The following TTC23L variants were observed in gnomAD, a reference collection of about 807,000 sequenced individuals.
TTC23L encodes tetratricopeptide repeat protein 23-like.
A neutral mutation model predicts 48.1 loss-of-function variants in TTC23L; 42 were observed. That is an observed-to-expected ratio of 0.87 (90% CI 0.68 to 1.13). TTC23L has a LOEUF of 1.13. Ranked by LOEUF, TTC23L falls within the 50% of genes most tolerant of loss-of-function variation. TTC23L has a pLI of 0.00. For synonymous variants in TTC23L, 159 were observed against 157.2 expected (o/e 1.01, Z -0.09); for missense variants, 391 against 421.0 (o/e 0.93, Z 0.62).
At chr5:34,853,398 G>A (rs1759847032) in intron 4 of TTC23L, among the ~76,000 whole-genome samples, 1 of 152,126 alleles carries the variant, frequency 6.6e-6, no homozygotes, top group Admixed American at 6.5e-5. Flanking sequence ...AAGTGTAGTG[G>A]TGTGTGCCTG....
chr5:34,915,595 C>T, the TTC23L span: 2 of 1,082,760 alleles, frequency 1.8e-6, no homozygotes, highest in African/African-American at 1.6e-5. Context: ...GCGCGTGCCG[C>T]GCCACCGAGA....
At chr5:34,915,548 C>T in the TTC23L span, 2 of 637,538 alleles carry the variant, frequency 3.1e-6, no homozygotes, top group East Asian at 6.4e-5. Flanking sequence ...CCACCTCGGC[C>T]ACCGTCACCA....
At chr5:34,895,024 T>C (rs1763120349) in intron 9 of TTC23L, among the ~76,000 whole-genome samples, 1 of 152,204 alleles carries the variant, frequency 6.6e-6, no homozygotes, top group Non-Finnish European at 1.5e-5. Flanking sequence ...ATCACTGATA[T>C]TAGCATGAGC....
the TTC23L span, chr5:34,908,661 C>G: frequency 9.2e-7 from 1 of 1,086,476 alleles, no homozygotes; most frequent in Non-Finnish European, 1.3e-6. Context: ...CATTGTGCTT[C>G]TTCTCTATAG....
rs532406781 is a variant in TTC23L, at chr5:34,897,919, C to A, written c.*97+1044C>A. Among the ~76,000 whole-genome samples, 18 of 152,322 alleles carry A rather than the reference C, an allele frequency of 1.2e-4. No individual in the cohort carries two copies. In the South Asian group the frequency reaches 3.5e-3, roughly 30 times the overall value. On this transcript the variant is annotated intron_variant, in intron 10 of 10. Transcript: ENST00000505624. ...TGATCATAGAAATATGACTTCAGTG[C>A]ATCCCTATGAATTAATCTTTTTGAT... is the stretch of plus-strand genomic sequence containing the variant.
chr5:34,839,622 T>A (rs1758428631), intron 1 of TTC23L: 1 of 985,162 alleles, frequency 1.0e-6, no homozygotes, highest in Non-Finnish European at 1.2e-6. Flanking sequence ...TCTCCCTTTC[T>A]GATTTTCGGA....
chr5:34,902,085 A>G (rs192195012), downstream of TTC23L, among the ~76,000 whole-genome samples: 1,008 of 152,240 alleles, frequency 6.6e-3, 8 homozygotes, highest in African/African-American at 0.021. Flanking sequence ...AAATAACTTT[A>G]ATTTTTCTCT....
downstream of TTC23L, among the ~76,000 whole-genome samples, chr5:34,902,671 G>A (rs1763536597): frequency 6.6e-6 from 1 of 152,136 alleles, no homozygotes; most frequent in South Asian, 2.1e-4. Context: ...TCCACTGACT[G>A]GTAGGCCTTC....
downstream of TTC23L, among the ~76,000 whole-genome samples, chr5:34,902,161 A>G (rs1763525735): frequency 6.6e-6 from 1 of 151,978 alleles, no homozygotes; most frequent in Non-Finnish European, 1.5e-5. Flanking sequence ...CGGTGGCTTA[A>G]GCCTGTAATC....
In TTC23L at chr5:34,874,599, T is replaced by G. The variant is rs148069059; in HGVS notation, c.950-5582T>G. ...GGAGCTGGGTGCAGTGGCTCATGCCTGTAACTCCAGCTACTCAGGAGGCAG... is the reference window on the plus strand; with the variant it reads ...GGAGCTGGGTGCAGTGGCTCATGCCGGTAACTCCAGCTACTCAGGAGGCAG... On this transcript the variant is annotated intron_variant, in intron 8 of 10. Coordinates refer to ENST00000505624, the Ensembl canonical transcript of TTC23L. Among the ~76,000 whole-genome samples the G allele has an allele frequency of 6.7e-3, 1,027 of 152,194 alleles. 10 individuals carry two copies. The highest frequency in any genetic ancestry group is 0.024 in the African/African-American group (995 of 41,520).
the TTC23L span, chr5:34,905,233 G>A: frequency 6.6e-6 from 1 of 152,042 alleles, no homozygotes; most frequent in Non-Finnish European, 1.5e-5. Context: ...ACATAATTGG[G>A]AAAAGAAAAA....
At chr5:34,895,575 G>A (rs886770547) in intron 9 of TTC23L, among the ~76,000 whole-genome samples, 1 of 152,190 alleles carries the variant, frequency 6.6e-6, no homozygotes, top group Non-Finnish European at 1.5e-5. Context: ...AGAAGGAGCA[G>A]GGAGAACCAT....
At chr5:34,913,498 T>G in the TTC23L span, 1 of 1,594,110 alleles carries the variant, frequency 6.3e-7, no homozygotes, top group Non-Finnish European at 8.6e-7. Flanking sequence ...CAAAAATAGA[T>G]AAACAGTCTA....
At chr5:34,885,395 T>C (rs954780674) in intron 9 of TTC23L, among the ~76,000 whole-genome samples, 3 of 152,198 alleles carry the variant, frequency 2.0e-5, no homozygotes, top group Non-Finnish European at 4.4e-5. Flanking sequence ...AATGATAATG[T>C]TATTGTAGAT....
chr5:34,908,653 T>C, the TTC23L span: 6 of 970,650 alleles, frequency 6.2e-6, no homozygotes, highest in South Asian at 7.1e-5. Flanking sequence ...ATCTTCCCCA[T>C]TGTGCTTCTT....
the TTC23L span, chr5:34,923,308 T>TCAAAA: frequency 8.2e-7 from 1 of 1,221,960 alleles, no homozygotes; most frequent in Non-Finnish European, 1.2e-6. Context: ...AGACAGAGTC[T>TCAAAA]CGCTCTTGTT....
chr5:34,909,454 G>C, the TTC23L span: 1 of 761,890 alleles, frequency 1.3e-6, no homozygotes, highest in East Asian at 2.6e-5. Context: ...TCATACTAGT[G>C]GGTGAAACAG....
At chr5:34,895,484 G>A (rs560848593) in intron 9 of TTC23L, among the ~76,000 whole-genome samples, 43 of 152,320 alleles carry the variant, frequency 2.8e-4, no homozygotes, top group Non-Finnish European at 5.6e-4. Context: ...CTTTCTATCT[G>A]TCAGATGTCT....
intron 4 of TTC23L, among the ~76,000 whole-genome samples, chr5:34,852,289 G>A (rs920519206): frequency 5.3e-5 from 8 of 152,250 alleles, no homozygotes; most frequent in African/African-American, 4.8e-5. Context: ...TATAAAACTC[G>A]TTACACAGAA....
Sources: allele counts gnomAD v4.1 joint callset (sites outside exome capture counted in the v4.1 genomes callset), GRCh38; gene constraint gnomAD v4.1.1; transcripts MANE v1.5; gene names NCBI Gene and HGNC (gene_info 2026-07-23, HGNC 2026-07-21).